ADAM22: variants seen among roughly 807,000 people sequenced by gnomAD.
ADAM22 encodes disintegrin and metalloproteinase domain-containing protein 22.
Under a neutral mutation model 144.6 loss-of-function variants are expected in ADAM22, and 65 were observed. That is an observed-to-expected ratio of 0.45 (90% confidence interval 0.37 to 0.55). ADAM22 has a LOEUF of 0.55. Ranked by LOEUF, ADAM22 falls within the 20% of genes least tolerant of loss-of-function variation. The probability of loss-of-function intolerance (pLI) is 0.00; values close to 1 mark genes in which losing one functional copy is unlikely to be tolerated. For synonymous variants in ADAM22, 391 were observed against 412.6 expected (o/e 0.95, Z 0.63); for missense variants, 974 against 1,184.9 (o/e 0.82, Z 2.61).
Position 88,197,952 on chromosome 7 carries a change from G to C in ADAM22, c.*1461G>C, listed in dbSNP as rs59196355. 1.8e-3 allele frequency: 275 copies of C among 152,218 alleles called. No homozygotes were observed. The highest frequency in any genetic ancestry group is 6.5e-3 in the African/African-American group (268 of 41,542). The allele number at this position is 152,218 out of a possible 1,614,324, so 9.4% of individuals were successfully genotyped here. ...AGGAAAATAAGATTCTATTTTAAAA[G>C]ACCCTTCTTTAAAACCAAAGTTTGA... On this transcript the variant is annotated 3_prime_UTR_variant, in exon 32 of 32. Transcript: ENST00000413139.
chr7:88,056,875 G>A (rs949450185), intron 3 of ADAM22, among the ~76,000 whole-genome samples: 1 of 152,088 alleles, frequency 6.6e-6, no homozygotes, highest in Non-Finnish European at 1.5e-5. Flanking sequence ...TTAGGTCATC[G>A]TGTCAAGGTC....
chr7:87,966,030 G>A (rs1009072795), intron 2 of ADAM22, among the ~76,000 whole-genome samples: 21 of 152,160 alleles, frequency 1.4e-4, no homozygotes, highest in East Asian at 5.8e-4. Flanking sequence ...AAACAAAAAT[G>A]TTGTGTTTTT....
At chr7:88,040,595 GT>G (rs61245626) in intron 3 of ADAM22, among the ~76,000 whole-genome samples, 66,700 of 150,424 alleles carry the variant, frequency 0.44, 15,474 homozygotes, top group East Asian at 0.6. Context: ...ATTTTATTTA[GT>G]TTTTTTTTTG....
At chr7:87,966,245 G>A (rs759868811) in intron 2 of ADAM22, among the ~76,000 whole-genome samples, 8 of 152,134 alleles carry the variant, frequency 5.3e-5, no homozygotes, top group Non-Finnish European at 1.2e-4. Context: ...AGGGATTTTT[G>A]TCTGCTGATT....
chr7:87,962,813 C>T (rs1848283389), intron 2 of ADAM22, among the ~76,000 whole-genome samples: 1 of 152,038 alleles, frequency 6.6e-6, no homozygotes, highest in Admixed American at 6.6e-5. Flanking sequence ...CTGTTTTTCG[C>T]AGTTAATAAA....
chr7:88,188,342 C>T (rs930399563), intron 30 of ADAM22, among the ~76,000 whole-genome samples: 7 of 152,078 alleles, frequency 4.6e-5, no homozygotes, highest in African/African-American at 1.7e-4. Context: ...AATCAGCACC[C>T]AGGTCTGCCC....
At chr7:88,128,466 T>C in intron 8 of ADAM22, 136 bp from the exon 9 acceptor site, 3 of 688,236 alleles carry the variant, frequency 4.4e-6, no homozygotes, top group Middle Eastern at 2.6e-4. Context: ...ACTAAGCAAA[T>C]TGATGAAAAA....
At chr7:88,095,067 A>G (rs181170347) in intron 4 of ADAM22, among the ~76,000 whole-genome samples, 13 of 152,316 alleles carry the variant, frequency 8.5e-5, no homozygotes, top group African/African-American at 3.1e-4. Context: ...TAGTTCTGAT[A>G]TCATTATTGA....
chr7:88,150,521 T>G (rs1412129820), intron 18 of ADAM22, among the ~76,000 whole-genome samples: 1 of 152,212 alleles, frequency 6.6e-6, no homozygotes, highest in Admixed American at 6.5e-5. Context: ...CTATGTTTCT[T>G]CTCATGGCAA....
At position 88,059,394 on chromosome 7, in the gene ADAM22, A is replaced by G. The variant is rs1054463063; in HGVS notation, c.324-16232A>G. 4.6e-5 allele frequency among the ~76,000 whole-genome samples: 7 copies of G among 152,354 alleles called. No homozygotes were observed. In the South Asian group the frequency reaches 8.3e-4, roughly 18 times the overall value. ...AGTTGAAACAATGAAAAATTTGGGA[A>G]CAGAAGAAAATCTTTAAAGCTCAAA... On this transcript the variant is annotated intron_variant, in intron 3 of 31. Transcript: ENST00000413139.
At chr7:88,061,609 G>A (rs1374463087) in intron 3 of ADAM22, among the ~76,000 whole-genome samples, 5 of 152,208 alleles carry the variant, frequency 3.3e-5, no homozygotes. Flanking sequence ...TTTTTCCTGA[G>A]CAGTAGATCT....
chr7:88,071,555 A>C (rs899040676), intron 3 of ADAM22, among the ~76,000 whole-genome samples: 5 of 152,012 alleles, frequency 3.3e-5, no homozygotes, highest in African/African-American at 1.2e-4. Flanking sequence ...CCTTTGTATA[A>C]TACTGTACGA....
intron 4 of ADAM22, among the ~76,000 whole-genome samples, chr7:88,097,571 C>T (rs1405362824): frequency 2.0e-5 from 3 of 149,758 alleles, no homozygotes; most frequent in African/African-American, 7.4e-5. Flanking sequence ...GGAGAAAAAA[C>T]GATTTCCTTT....
At chr7:87,956,273 C>T (rs1182432662) in intron 2 of ADAM22, among the ~76,000 whole-genome samples, 2 of 152,140 alleles carry the variant, frequency 1.3e-5, no homozygotes, top group Admixed American at 6.5e-5. Context: ...CATCTTGGCT[C>T]CTCCTCTGAA....
chr7:88,034,466 G>T (rs1204242874), intron 3 of ADAM22, among the ~76,000 whole-genome samples: 4 of 152,156 alleles, frequency 2.6e-5, no homozygotes, highest in Non-Finnish European at 4.4e-5. Flanking sequence ...GCAGAAGGAA[G>T]AAGTCTTTTT....
intron 3 of ADAM22, among the ~76,000 whole-genome samples, chr7:87,990,887 A>G (rs1190222024): frequency 6.6e-6 from 1 of 152,106 alleles, no homozygotes; most frequent in East Asian, 1.9e-4. Flanking sequence ...TGGTCTCAAA[A>G]TCCTGACCTC....
chr7:88,011,813 A>C (rs1038253082), intron 3 of ADAM22, among the ~76,000 whole-genome samples: 4 of 149,420 alleles, frequency 2.7e-5, no homozygotes, highest in Admixed American at 6.7e-5. Flanking sequence ...TTTGAATGAT[A>C]CACCTAGGTG....
In ADAM22 at chr7:88,143,125, G is replaced by C; in HGVS notation, c.1320G>C (p.Lys440Asn). ...CCTGCCTTTTCAACAAACCTTCTAAGGTAATAAGTGTGGTTAATAAGGTTT... is the reference window on the plus strand; with the variant it reads ...CCTGCCTTTTCAACAAACCTTCTAACGTAATAAGTGTGGTTAATAAGGTTT... Reference protein sequence around the residue: ...GGACLFNKPSKLLDPPECGNG... With the variant: ...GGACLFNKPSNLLDPPECGNG... Residue 440 changes from lysine (K) to asparagine (N), a missense_variant and splice_region_variant, in exon 15 of 32, where the codon AAG becomes AAC. Transcript: ENST00000413139. 1 of 1,582,028 alleles carries C rather than the reference G, an allele frequency of 6.3e-7. No individual in the cohort carries two copies. The highest frequency in any genetic ancestry group is 8.7e-7 in the Non-Finnish European group (1 of 1,152,642).
chr7:88,148,006 GATGA>G (rs2129524715), intron 17 of ADAM22, among the ~76,000 whole-genome samples: 1 of 152,216 alleles, frequency 6.6e-6, no homozygotes, highest in South Asian at 2.1e-4. Flanking sequence ...TTGATGAATG[GATGA>G]ATGAATACAT....
Sources: allele counts gnomAD v4.1 joint callset (sites outside exome capture counted in the v4.1 genomes callset), GRCh38; gene constraint gnomAD v4.1.1; transcripts MANE v1.5; gene names NCBI Gene and HGNC (gene_info 2026-07-23, HGNC 2026-07-21).